MUC7: variants seen among roughly 807,000 people sequenced by gnomAD.
MUC7 encodes the protein mucin-7.
MUC7 carries 2 observed loss-of-function variants against 2.5 expected under a neutral mutation model. The ratio of observed to expected loss-of-function variants is 0.81; its 90% CI spans 0.33 to 2.55. The LOEUF (loss-of-function observed/expected upper bound fraction) is 2.55, where lower values mean the gene tolerates loss of function less well. MUC7 is among the 30% of genes most tolerant of loss of function. MUC7 has a pLI of 0.11. For synonymous variants in MUC7, 133 were observed against 173.4 expected, an observed-to-expected ratio of 0.77 and a Z score of 1.83; for missense variants, 408 against 455.6, an observed-to-expected ratio of 0.90 and a Z score of 0.95.
chr4:70,434,332 T>G (rs1733766868), intron 1 of MUC7, among the ~76,000 whole-genome samples: 1 of 152,218 alleles, frequency 6.6e-6, no homozygotes, highest in Admixed American at 6.5e-5. Flanking sequence ...AGAATTCAGC[T>G]GTGAATCCAT....
intron 1 of MUC7, among the ~76,000 whole-genome samples, chr4:70,449,288 T>G (rs979266818): frequency 6.6e-6 from 1 of 152,192 alleles, no homozygotes; most frequent in Non-Finnish European, 1.5e-5. Flanking sequence ...CATGGTTCAA[T>G]GTGGCTCGGG....
Position 70,482,654 on chromosome 4 carries a change from T to C in MUC7, c.*776T>C, listed in dbSNP as rs1735235279. 1 of 152,264 alleles carries C rather than the reference T, an allele frequency of 6.6e-6. No homozygotes were observed. Among genetic ancestry groups the C allele is most frequent in the South Asian group, 2.1e-4 (1 of 4,836 alleles). 9.4% of individuals were successfully genotyped at this position (152,264 alleles called of 1,614,324 possible). A position where few individuals can be genotyped will look rare whatever the true frequency, so the allele number is the denominator to read the frequency against. Reference sequence around the variant, plus strand: ...TGTGAACAACAAGAATATGTTTGTGTATGTTCACATGGTGCTTATAATATT... The same window carrying C: ...TGTGAACAACAAGAATATGTTTGTGCATGTTCACATGGTGCTTATAATATT... On this transcript the variant is annotated 3_prime_UTR_variant, in exon 3 of 3. Coordinates refer to ENST00000304887, the MANE Select transcript of MUC7 (RefSeq NM_152291.3).
At chr4:70,447,922 A>C (rs1734184923) in intron 1 of MUC7, among the ~76,000 whole-genome samples, 1 of 152,080 alleles carries the variant, frequency 6.6e-6, no homozygotes, top group East Asian at 1.9e-4. Context: ...AACCATCCAC[A>C]CGTGCCCCCA....
rs1331843545 is a variant in MUC7 at position 70,481,546 on chromosome 4, A to G, written c.802A>G (p.Thr268Ala). Residue 268 changes from threonine to alanine, a missense_variant, in exon 3 of 3, where the codon ACC (threonine) becomes GCC (alanine). Physicochemically the swap from Thr to Ala is moderately conservative, Grantham distance 58. Transcript: ENST00000304887. Reference protein sequence around the residue: ...TAVPPTPSATTLDPSSASAPP... With the variant: ...TAVPPTPSATALDPSSASAPP... ...TGTCCCACCCACACCTTCTGCAACT[A>G]CCCTAGACCCATCATCCGCCTCAGC... 1 of 1,608,008 alleles carries G rather than the reference A, an allele frequency of 6.2e-7. No individual in the cohort carries two copies. Among genetic ancestry groups the G allele is most frequent in the East Asian group, 2.2e-5 (1 of 44,688 alleles).
At chr4:70,467,046 C>T (rs1175980851) in intron 1 of MUC7, among the ~76,000 whole-genome samples, 1 of 152,080 alleles carries the variant, frequency 6.6e-6, no homozygotes, top group Non-Finnish European at 1.5e-5. Flanking sequence ...GAATGGAAAT[C>T]ATAACAAACA....
chr4:70,479,154 C>T (rs1253739296), intron 2 of MUC7, among the ~76,000 whole-genome samples: 1 of 152,188 alleles, frequency 6.6e-6, no homozygotes, highest in East Asian at 1.9e-4. Context: ...GGGCAAGTCA[C>T]TTAATATGCC....
intron 1 of MUC7, among the ~76,000 whole-genome samples, chr4:70,456,186 C>T (rs968238297): frequency 1.3e-5 from 2 of 152,172 alleles, no homozygotes; most frequent in African/African-American, 2.4e-5. Flanking sequence ...ATCTTTATAG[C>T]AATGCCCCGC....
intron 1 of MUC7, among the ~76,000 whole-genome samples, chr4:70,431,767 C>T (rs1290693130): frequency 1.3e-5 from 2 of 151,886 alleles, no homozygotes; most frequent in African/African-American, 4.8e-5. Context: ...TATTATTATA[C>T]TTTAAGTTCT....
At chr4:70,442,333 C>T (rs1734029376) in intron 1 of MUC7, among the ~76,000 whole-genome samples, 1 of 152,128 alleles carries the variant, frequency 6.6e-6, no homozygotes, top group African/African-American at 2.4e-5. Context: ...GATTCTCAGA[C>T]TCATGAATTC....
rs142324917 is a variant in MUC7, at chr4:70,459,321, A to C, written c.-92-12894A>C. ...TGGAAAACATCATTCTCAGTAAACT[A>C]TCACAAGGACAAAAAACCAAACACC... On this transcript the variant is annotated intron_variant, in intron 1 of 3. Transcript: ENST00000413702. Among the ~76,000 whole-genome samples the C allele has an allele frequency of 4.6e-3, 695 of 152,328 alleles. 7 individuals are homozygous for C. Among genetic ancestry groups the C allele is most frequent in the African/African-American group, 0.016 (671 of 41,578 alleles).
At chr4:70,434,908 C>T (rs541948917) in intron 1 of MUC7, among the ~76,000 whole-genome samples, 1 of 152,166 alleles carries the variant, frequency 6.6e-6, no homozygotes, top group African/African-American at 2.4e-5. Flanking sequence ...TATGTTGTGT[C>T]TTTGTTCTCG....
chr4:70,481,649 A>G lies in MUC7; in HGVS notation c.905A>G (p.Glu302Gly). Residue 302 changes from glutamate (E) to glycine (G), a missense_variant, in exon 3 of 3, where the codon GAG becomes GGG. By Grantham distance (98) the Glu-to-Gly change is moderately conservative (BLOSUM62 -2). This residue lies in a region of MUC7 where 175 missense variants were observed against 187.1 expected (regional missense o/e 0.94). Transcript: ENST00000304887. ...CCACCGTCTTCCCCAGCTCCACAAG[A>G]GACCACAGCTGCCCCAATTACCACA... ...PAPPSSPAPQETTAAPITTPN... is the reference protein window; with the variant it reads ...PAPPSSPAPQGTTAAPITTPN... The G allele has an allele frequency of 6.2e-7, 1 of 1,613,924 alleles. No individual in the cohort carries two copies. Among genetic ancestry groups the G allele is most frequent in the Non-Finnish European group, 8.5e-7 (1 of 1,179,978 alleles).
intron 1 of MUC7, among the ~76,000 whole-genome samples, chr4:70,448,804 T>C (rs1355081618): frequency 6.6e-6 from 1 of 152,246 alleles, no homozygotes; most frequent in Non-Finnish European, 1.5e-5. Flanking sequence ...ATTTTTGCTT[T>C]GGTTTCCTGT....
chr4:70,439,849 T>C (rs1018697660), intron 1 of MUC7, among the ~76,000 whole-genome samples: 4 of 152,128 alleles, frequency 2.6e-5, no homozygotes, highest in Admixed American at 6.5e-5. Context: ...TCTTTAAACA[T>C]TTTAGCAGTT....
chr4:70,440,210 A>T (rs984635210), intron 1 of MUC7, among the ~76,000 whole-genome samples: 3 of 152,200 alleles, frequency 2.0e-5, no homozygotes, highest in African/African-American at 7.2e-5. Flanking sequence ...TATATTACAT[A>T]AAAACTTAAT....
At chr4:70,467,683 A>G (rs1577911212), upstream of MUC7, among the ~76,000 whole-genome samples, 1 of 152,222 alleles carries the variant, frequency 6.6e-6, no homozygotes, top group Non-Finnish European at 1.5e-5. Flanking sequence ...ATTCCTGGAC[A>G]TATACACCCT....
chr4:70,439,238 A>G (rs1733941819), intron 1 of MUC7, among the ~76,000 whole-genome samples: 1 of 152,214 alleles, frequency 6.6e-6, no homozygotes. Context: ...ATTCTAGACA[A>G]AAGTCCACCA....
chr4:70,457,349 T>A (rs1734440446), intron 1 of MUC7, among the ~76,000 whole-genome samples: 1 of 151,822 alleles, frequency 6.6e-6, no homozygotes, highest in African/African-American at 2.4e-5. Context: ...AAAAGACAGG[T>A]GGGAGAATCG....
At chr4:70,477,614 A>G (rs547570464) in intron 2 of MUC7, among the ~76,000 whole-genome samples, 12 of 152,024 alleles carry the variant, frequency 7.9e-5, no homozygotes, top group South Asian at 6.2e-4. Flanking sequence ...AGCCTACTCT[A>G]TCCTTGTTCC....
Sources: allele counts gnomAD v4.1 joint callset (sites outside exome capture counted in the v4.1 genomes callset), GRCh38; gene constraint gnomAD v4.1.1; regional missense constraint gnomAD v4.1.1; transcripts MANE v1.5; gene names NCBI Gene and HGNC (gene_info 2026-07-23, HGNC 2026-07-21).